ZSWIM9: variants seen among roughly 807,000 people sequenced by gnomAD.
ZSWIM9 encodes uncharacterized protein ZSWIM9.
Under a neutral mutation model 25.0 loss-of-function variants are expected in ZSWIM9, and 11 were observed. The ratio of observed to expected loss-of-function variants is 0.44; its 90% CI spans 0.28 to 0.73. ZSWIM9 has a LOEUF of 0.73. Ranked by LOEUF, ZSWIM9 falls within the 30% of genes least tolerant of loss-of-function variation. The pLI is 0.16. For missense variants in ZSWIM9, 1,070 were observed against 1,296.5 expected, an observed-to-expected ratio of 0.83 and a Z score of 2.68; for synonymous variants, 562 against 582.1, an observed-to-expected ratio of 0.97 and a Z score of 0.50.
In ZSWIM9 at chr19:48,195,838, G is replaced by A; in HGVS notation, c.1774G>A (p.Gly592Arg). Residue 592 changes from glycine (G) to arginine (R), a missense_variant, in exon 4 of 4, where the codon GGG (glycine) becomes AGG (arginine). Transcript: ENST00000614654. The surrounding 1 kb of genome is among the most constrained non-coding windows in gnomAD (Gnocchi z 5.8). ...LEDQALRGLE[G>R]YTWRVAQLED... ...GGACCAGGCGCTAAGAGGATTGGAA[G>A]GGTATACCTGGAGGGTGGCCCAGCT... 2 of 1,452,930 alleles carry A rather than the reference G, an allele frequency of 1.4e-6. No individual in the cohort carries two copies. The highest frequency in any genetic ancestry group is 1.8e-6 in the Non-Finnish European group (2 of 1,108,872). 90.0% of individuals were successfully genotyped at this position (1,452,930 alleles called of 1,614,324 possible). A position where few individuals can be genotyped will look rare whatever the true frequency, so the allele number is the denominator to read the frequency against.
At chr19:48,187,981 T>TAGACAGACAGAC (rs1271571462) in intron 3 of ZSWIM9, among the ~76,000 whole-genome samples, 18 of 147,680 alleles carry the variant, frequency 1.2e-4, no homozygotes, top group African/African-American at 4.2e-4. Flanking sequence ...GATAGATAGA[T>TAGACAGACAGAC]AGATAGACAG....
At chr19:48,174,669 CTTCT>C (rs773988067) in intron 2 of ZSWIM9, 1 of 152,214 alleles carries the variant, frequency 6.6e-6, no homozygotes, top group Non-Finnish European at 1.5e-5. Context: ...ATTCTTGCAA[CTTCT>C]TTCTCACTAC....
intron 3 of ZSWIM9, among the ~76,000 whole-genome samples, chr19:48,184,012 T>G (rs961620763): frequency 6.6e-6 from 1 of 151,806 alleles, no homozygotes; most frequent in Admixed American, 6.6e-5. Context: ...AATACTTAGT[T>G]TGATGAATGT....
At chr19:48,193,887 GCCAGGAAGCAGGGGCT>G (rs2037127180) in intron 3 of ZSWIM9, among the ~76,000 whole-genome samples, 1 of 152,200 alleles carries the variant, frequency 6.6e-6, no homozygotes, top group Non-Finnish European at 1.5e-5. Context: ...AAGGCACACA[GCCAGGAAGCAGGGGCT>G]CCAGGATCTC....
In ZSWIM9 at chr19:48,195,392, TGCCCGAGGG is replaced by T; in HGVS notation, c.1335_1343del (p.Glu445_Pro447del). 6.8e-7 allele frequency: 1 copy of T among 1,481,102 alleles called. No homozygotes were observed. Among genetic ancestry groups the T allele is most frequent in the Non-Finnish European group, 8.9e-7 (1 of 1,125,834 alleles). The allele number at this position is 1,481,102 out of a possible 1,614,324, so 91.7% of individuals were successfully genotyped here. A position where few individuals can be genotyped will look rare whatever the true frequency, so the allele number is the denominator to read the frequency against. ...TGGGCCGACGCGGCCGGGGAGGCGG[TGCCCGAGGG>T]GCCCGATGGCGGGGGGCCTTGGCTG... On this transcript the variant is annotated inframe_deletion, in exon 4 of 4. Coordinates refer to ENST00000614654, the MANE Select transcript of ZSWIM9 (RefSeq NM_199341.4). This position sits in a 1 kb window ranked among gnomAD's most constrained non-coding sequence, Gnocchi z 5.8.
At chr19:48,189,046 T>C (rs1466767721) in intron 3 of ZSWIM9, among the ~76,000 whole-genome samples, 2 of 151,352 alleles carry the variant, frequency 1.3e-5, no homozygotes, top group Non-Finnish European at 1.5e-5. Flanking sequence ...AAAAGAATAC[T>C]CCATGGGAAG....
Position 48,196,911 on chromosome 19 carries a change from G to T in ZSWIM9, c.*84G>T. On this transcript the variant is annotated 3_prime_UTR_variant, in exon 4 of 4. Transcript: ENST00000614654. ...CCAAAGATAATAGGGCTGAGGCCAAGGAGACCGTTGCAGTCCCCCTGGCCA... is the reference window on the plus strand; with the variant it reads ...CCAAAGATAATAGGGCTGAGGCCAATGAGACCGTTGCAGTCCCCCTGGCCA... 8.0e-7 allele frequency: 1 copy of T among 1,243,188 alleles called. No homozygotes were observed. The highest frequency in any genetic ancestry group is 1.0e-6 in the Non-Finnish European group (1 of 986,290). The allele number at this position is 1,243,188 out of a possible 1,614,324, so 77.0% of individuals were successfully genotyped here. A position where few individuals can be genotyped will look rare whatever the true frequency, so the allele number is the denominator to read the frequency against.
Position 48,197,259 on chromosome 19 carries a change from A to G in ZSWIM9, c.*432A>G. ...AGGGAGAAAGTACAGAAGACAGATG[A>G]AGGAGAGGAGGTAAGCGAGAAAAAA... On this transcript the variant is annotated 3_prime_UTR_variant, in exon 4 of 4. Coordinates refer to ENST00000614654, the MANE Select transcript of ZSWIM9 (RefSeq NM_199341.4). 1.4e-6 allele frequency: 1 copy of G among 702,430 alleles called. No homozygotes were observed. Among genetic ancestry groups the G allele is most frequent in the Non-Finnish European group, 2.6e-6 (1 of 384,764 alleles). The allele number at this position is 702,430 out of a possible 1,614,324, so 43.5% of individuals were successfully genotyped here.
intron 3 of ZSWIM9, chr19:48,192,908 A>G (rs2037116146): frequency 6.5e-6 from 1 of 154,376 alleles, no homozygotes; most frequent in Non-Finnish European, 1.5e-5. Flanking sequence ...AAGAGAGACC[A>G]GCATGAGCTG....
intron 2 of ZSWIM9, among the ~76,000 whole-genome samples, chr19:48,180,018 TTTTA>T (rs977033616): frequency 6.6e-6 from 1 of 152,062 alleles, no homozygotes; most frequent in South Asian, 2.1e-4. Context: ...CCTCCATTTG[TTTTA>T]TTTATTTATT....
intron 3 of ZSWIM9, among the ~76,000 whole-genome samples, chr19:48,189,776 T>C (rs2037072837): frequency 6.6e-6 from 1 of 152,178 alleles, no homozygotes; most frequent in African/African-American, 2.4e-5. Flanking sequence ...TGGATGAGGG[T>C]AGAATAGTGA....
intron 2 of ZSWIM9, 61 bp downstream of exon 2, chr19:48,172,138 G>A: frequency 8.1e-7 from 1 of 1,234,122 alleles, no homozygotes; most frequent in Non-Finnish European, 1.1e-6. Context: ...GTGGGTGTGG[G>A]TGGGAGACGG....
Position 48,196,808 on chromosome 19 carries a change from G to A in ZSWIM9, c.2744G>A (p.Gly915Glu), listed in dbSNP as rs1441430807. Residue 915 changes from glycine to glutamate, a missense_variant, in exon 4 of 4, where the codon GGG becomes GAG. Physicochemically the swap from Gly to Glu is moderately conservative, Grantham distance 98. This residue lies in a region of ZSWIM9 where 583 missense variants were observed against 624.7 expected (regional missense o/e 0.93). Transcript: ENST00000614654. The part of the protein sequence containing the change: ...FHMDLLRDCW[G>E]RAPEP ...ATGGACCTGCTCAGGGATTGCTGGG[G>A]GAGAGCCCCAGAGCCCTGACCCTTC... is the stretch of plus-strand genomic sequence containing the variant. The A allele has an allele frequency of 8.1e-7, 1 of 1,236,414 alleles. No individual in the cohort carries two copies. Among genetic ancestry groups the A allele is most frequent in the South Asian group, 4.0e-5 (1 of 24,704 alleles). The allele number at this position is 1,236,414 out of a possible 1,614,324, so 76.6% of individuals were successfully genotyped here.
intron 2 of ZSWIM9, chr19:48,181,203 C>T (rs574199870): frequency 6.6e-6 from 1 of 152,184 alleles, no homozygotes; most frequent in Admixed American, 6.5e-5. Flanking sequence ...TCAGAGGTAA[C>T]CAGCACCCAG....
chr19:48,190,266 C>T (rs770546804), intron 3 of ZSWIM9, among the ~76,000 whole-genome samples: 2 of 152,000 alleles, frequency 1.3e-5, no homozygotes, highest in African/African-American at 4.8e-5. Context: ...ATTTGTTTCT[C>T]TCCTCAAAGG....
At position 48,182,548 on chromosome 19, in the gene ZSWIM9, A is replaced by C; in HGVS notation, c.369A>C (p.Ser123=). Residue 123 remains serine (S), a synonymous_variant, in exon 3 of 4, where the codon TCA becomes TCC. Coordinates refer to ENST00000614654, the MANE Select transcript of ZSWIM9 (RefSeq NM_199341.4). This position sits in a 1 kb window ranked among gnomAD's most constrained non-coding sequence, Gnocchi z 4.6. ...LVVTECQLTH[S]HPACPLEFAY... is the part of the protein sequence containing the mutation. ...TGACGGAGTGCCAGCTGACCCACTC[A>C]CACCCGGCCTGCCCGCTGGAGTTCG... is the stretch of plus-strand genomic sequence containing the variant. 6.5e-7 allele frequency: 1 copy of C among 1,535,780 alleles called. No individual in the cohort carries two copies. The highest frequency in any genetic ancestry group is 8.7e-7 in the Non-Finnish European group (1 of 1,146,722).
chr19:48,170,980 G>A (rs2036789643), intron 1 of ZSWIM9, among the ~76,000 whole-genome samples: 1 of 152,098 alleles, frequency 6.6e-6, no homozygotes, highest in Non-Finnish European at 1.5e-5. Flanking sequence ...CTGGGAGGAG[G>A]GGCCCACAGC....
intron 3 of ZSWIM9, among the ~76,000 whole-genome samples, chr19:48,184,482 T>G (rs903281834): frequency 6.6e-6 from 1 of 152,124 alleles, no homozygotes; most frequent in Non-Finnish European, 1.5e-5. Context: ...TTTGTCTCCC[T>G]TGTGTGTGGA....
chr19:48,173,123 A>G (rs2036857483), intron 2 of ZSWIM9, among the ~76,000 whole-genome samples: 1 of 152,170 alleles, frequency 6.6e-6, no homozygotes, highest in South Asian at 2.1e-4. Flanking sequence ...TGGGCAAGAG[A>G]CAAAAATCCC....
Sources: gnomAD v4.1 joint callset for allele counts (sites outside exome capture counted in the v4.1 genomes callset) on GRCh38, gnomAD v4.1.1 for gene constraint, gnomAD v4.1.1 regional missense constraint, Gnocchi (gnomAD v3.1) non-coding constraint, MANE v1.5 for transcripts, NCBI Gene and HGNC (gene_info 2026-07-23, HGNC 2026-07-21) for gene names.